The following TKTL1 variants were observed in gnomAD, a reference collection of about 807,000 sequenced individuals.
TKTL1 encodes transketolase-like protein 1.
TKTL1 carries 1 observed loss-of-function variant against 39.3 expected under a neutral mutation model. The ratio of observed to expected loss-of-function variants is 0.03; its 90% confidence interval spans 0.01 to 0.12. The LOEUF is 0.12. TKTL1 is among the 10% of genes least tolerant of loss of function. TKTL1 has a pLI of 1.00. For synonymous variants in TKTL1, 262 were observed against 193.8 expected, an observed-to-expected ratio of 1.35 and a Z score of -2.92; for missense variants, 575 against 509.6, an observed-to-expected ratio of 1.13 and a Z score of -1.24.
In TKTL1 at chrX:154,323,304, G is replaced by A. The variant is rs782559071; in HGVS notation, c.1284G>A (p.Thr428=). 1.7e-5 allele frequency: 20 copies of A among 1,209,791 alleles called. No homozygotes were observed. The highest frequency in any genetic ancestry group is 1.2e-4 in the African/African-American group (7 of 57,139). The change falls in exon 9 of 13, where the codon ACG becomes ACA. Residue 428 remains threonine, a synonymous_variant. Transcript: ENST00000369915. The part of the protein sequence containing the change: ...TIFYPTDAVS[T]EHAVALAANA... ...TCTACCCAACTGATGCCGTCTCCAC[G>A]GAGCATGCTGTTGCTCTGGCAGCCA...
chrX:154,304,482 G>A (rs781973928), intron 1 of TKTL1, among the ~76,000 whole-genome samples: 1 of 109,796 alleles, frequency 9.1e-6, no homozygotes, highest in East Asian at 2.9e-4. Context: ...TGTAATCCCA[G>A]CACCTTGGGA....
Position 154,312,583 on chromosome X carries a change from T to C in TKTL1, c.674T>C (p.Ile225Thr), listed in dbSNP as rs1557168570. Residue 225 changes from isoleucine to threonine, a missense_variant, in exon 6 of 13, where the codon ATT becomes ACT. Transcript: ENST00000369915. ...TCTTTTGTTTGTTTCATTACAGGTA[T>C]TGAGGATGCAGAAAGTTGGCATGCA... ...KTFKGRGTPS[I>T]EDAESWHAKP... 8.3e-7 allele frequency: 1 copy of C among 1,207,651 alleles called. No individual in the cohort carries two copies.
chrX:154,296,993 G>GA (rs1454891039), intron 1 of TKTL1, among the ~76,000 whole-genome samples: 3 of 111,499 alleles, frequency 2.7e-5, no homozygotes, highest in Admixed American at 9.5e-5. Flanking sequence ...GTGCCTCAAA[G>GA]AAAAAAAAGT....
In TKTL1 at chrX:154,323,274, G is replaced by A. The variant is rs782359805; in HGVS notation, c.1254G>A (p.Thr418=). Residue 418 remains threonine, a synonymous_variant, in exon 9 of 13, where the codon ACG becomes ACA. Transcript: ENST00000369915. ...TGTTCCGAACCATTCCCAAGTGCAC[G>A]ATCTTCTACCCAACTGATGCCGTCT... ...IAMFRTIPKC[T]IFYPTDAVST... The A allele has an allele frequency of 2.8e-5, 34 of 1,209,561 alleles. No homozygotes were observed. The highest frequency in any genetic ancestry group is 3.6e-5 in the Non-Finnish European group (32 of 895,046).
At position 154,312,595 on chromosome X, in the gene TKTL1, A is replaced by T. The variant is rs781829899; in HGVS notation, c.686A>T (p.Glu229Val). 1 of 1,208,835 alleles carries T rather than the reference A, an allele frequency of 8.3e-7. No individual in the cohort carries two copies. The change falls in exon 6 of 13, where the codon GAA becomes GTA. Residue 229 changes from glutamate (E) to valine (V), a missense_variant. Transcript: ENST00000369915. ...TTCATTACAGGTATTGAGGATGCAGAAAGTTGGCATGCAAAGCCAATGCCG... is the reference window on the plus strand; with the variant it reads ...TTCATTACAGGTATTGAGGATGCAGTAAGTTGGCATGCAAAGCCAATGCCG... ...GRGTPSIEDAESWHAKPMPRE... is the reference protein window; with the variant it reads ...GRGTPSIEDAVSWHAKPMPRE...
chrX:154,325,068 T>C (rs782023472), intron 9 of TKTL1, among the ~76,000 whole-genome samples: 3 of 112,160 alleles, frequency 2.7e-5, no homozygotes, highest in African/African-American at 9.7e-5. Flanking sequence ...CGTGAGTTAA[T>C]GTTCTGTCTG....
chrX:154,310,383 C>A lies in TKTL1; in HGVS notation c.351-453C>A, dbSNP rs782283766. Among the ~76,000 whole-genome samples the A allele has an allele frequency of 4.5e-5, 5 of 111,978 alleles. No individual in the cohort carries two copies. The South Asian group carries it at 1.9e-3, about 41-fold the overall frequency. On this transcript the variant is annotated intron_variant, in intron 3 of 12. Transcript: ENST00000369915. ...CCGGGAGGTGGAGGTTGCAGTGAGC[C>A]AAGATCACGCCACTGCACTCCAGCC...
At chrX:154,304,547 G>T (rs1252075010) in intron 1 of TKTL1, among the ~76,000 whole-genome samples, 28 of 109,583 alleles carry the variant, frequency 2.6e-4, no homozygotes, top group African/African-American at 9.3e-4. Flanking sequence ...AATGAGCTAT[G>T]ATCATGCCAC....
chrX:154,311,123 T>C lies in TKTL1; in HGVS notation c.555T>C (p.Tyr185=), dbSNP rs144977343. ...CCTCTGTTGGCAGGTGGAACACTTA[T>C]GTGGTGGACGGCCGGGACGTGGAGG... The part of the protein sequence containing the change: ...RRCEAFGWNT[Y]VVDGRDVEAL... Residue 185 remains tyrosine (Y), a synonymous_variant, in exon 5 of 13, where the codon TAT becomes TAC. Coordinates refer to ENST00000369915, the MANE Select transcript of TKTL1 (RefSeq NM_012253.4). 2.0e-3 allele frequency: 2,363 copies of C among 1,210,673 alleles called. 5 individuals are homozygous for C. Among genetic ancestry groups the C allele is most frequent in the Admixed American group, 2.7e-3 (125 of 45,811 alleles).
chrX:154,306,724 C>G (rs1226241988), intron 2 of TKTL1, among the ~76,000 whole-genome samples: 2 of 110,014 alleles, frequency 1.8e-5, no homozygotes, highest in Non-Finnish European at 3.8e-5. Context: ...GCACCCCTGA[C>G]CTCCTGGCCT....
chrX:154,297,052 G>A (rs903846082), intron 1 of TKTL1, among the ~76,000 whole-genome samples: 1 of 111,308 alleles, frequency 9.0e-6, no homozygotes, highest in African/African-American at 3.3e-5. Context: ...CAGTACGTGG[G>A]GCCTGAGGAG....
intron 2 of TKTL1, among the ~76,000 whole-genome samples, chrX:154,307,823 G>A (rs1023409351): frequency 1.8e-5 from 2 of 112,094 alleles, no homozygotes; most frequent in Non-Finnish European, 3.8e-5. Context: ...CATAGGGAGG[G>A]AGATGTGGCT....
At chrX:154,320,382 G>A (rs190725702) in intron 7 of TKTL1, 1 of 213,799 alleles carries the variant, frequency 4.7e-6, no homozygotes, top group Non-Finnish European at 8.5e-6. Context: ...GAAATAGAAT[G>A]ATCCAAGAGA....
At chrX:154,306,502 G>A (rs1270974979) in intron 2 of TKTL1, among the ~76,000 whole-genome samples, 4 of 112,074 alleles carry the variant, frequency 3.6e-5, no homozygotes, top group African/African-American at 6.5e-5. Flanking sequence ...ATGTGTACGC[G>A]CATGTGTGGA....
chrX:154,300,395 C>G (rs1392227015), intron 1 of TKTL1, among the ~76,000 whole-genome samples: 2 of 112,468 alleles, frequency 1.8e-5, no homozygotes, highest in African/African-American at 6.5e-5. Flanking sequence ...TTGATTCTTC[C>G]TATCCATGAG....
In TKTL1 at chrX:154,315,258, G is replaced by A. The variant is rs111811311; in HGVS notation, c.950G>A (p.Arg317Lys). 1.8e-4 allele frequency: 215 copies of A among 1,209,282 alleles called. 2 individuals are homozygous for A. In the African/African-American group the frequency reaches 2.0e-3, roughly 12 times the overall value. The stretch of plus-strand genomic sequence containing the variant: ...GTCGTTGTGCTGGATGGTGACACCA[G>A]GTACTCTACTTTCTCTGAGATATTC... Reference protein sequence around the residue: ...NRVVVLDGDTRYSTFSEIFNK... With the variant: ...NRVVVLDGDTKYSTFSEIFNK... The change falls in exon 7 of 13, where the codon AGG (arginine) becomes AAG (lysine). Residue 317 changes from arginine (R) to lysine (K), a missense_variant. Physicochemically the swap from Arg to Lys is conservative, Grantham distance 26. Transcript: ENST00000369915.
At chrX:154,318,019 T>C (rs1225632849) in intron 7 of TKTL1, among the ~76,000 whole-genome samples, 1 of 112,007 alleles carries the variant, frequency 8.9e-6, no homozygotes, top group Non-Finnish European at 1.9e-5. Flanking sequence ...CTAAATGCAG[T>C]TTTCTAAACT....
chrX:154,311,773 T>C (rs782246268), intron 5 of TKTL1, among the ~76,000 whole-genome samples: 1 of 111,524 alleles, frequency 9.0e-6, no homozygotes, highest in East Asian at 2.8e-4. Context: ...AGAATAAAAC[T>C]GTTCTGTGAC....
At chrX:154,318,843 C>A (rs1423461467) in intron 7 of TKTL1, among the ~76,000 whole-genome samples, 1 of 110,078 alleles carries the variant, frequency 9.1e-6, no homozygotes, top group African/African-American at 3.3e-5. Context: ...TACTTGATTT[C>A]CAATTTCCAT....
Sources: gnomAD v4.1 joint callset for allele counts (sites outside exome capture counted in the v4.1 genomes callset) on GRCh38, gnomAD v4.1.1 for gene constraint, MANE v1.5 for transcripts, NCBI Gene and HGNC (gene_info 2026-07-23, HGNC 2026-07-21) for gene names.